The following ZNF462 variants were observed in gnomAD, a reference collection of about 807,000 sequenced individuals.
The protein encoded by ZNF462 is zinc finger PBX1-interacting protein.
A neutral mutation model predicts 201.9 loss-of-function variants in ZNF462; 10 were observed. The ratio of observed to expected loss-of-function variants is 0.05; its 90% CI spans 0.03 to 0.08. The LOEUF (loss-of-function observed/expected upper bound fraction) is 0.08. ZNF462 is among the 10% of genes least tolerant of loss of function. The pLI is 1.00. For synonymous variants in ZNF462, 1,227 were observed against 1,193.3 expected, an observed-to-expected ratio of 1.03 and a Z score of -0.58; for missense variants, 2,523 against 3,168.3, an observed-to-expected ratio of 0.80 and a Z score of 4.89.
At chr9:106,936,979 AC>A (rs1287397957) in intron 6 of ZNF462, among the ~76,000 whole-genome samples, 4 of 152,182 alleles carry the variant, frequency 2.6e-5, no homozygotes, top group Non-Finnish European at 5.9e-5. Context: ...ATACCTTGGA[AC>A]CTTGGCCTCC....
chr9:106,973,721 C>A (rs1028451807), intron 8 of ZNF462, among the ~76,000 whole-genome samples: 1 of 152,136 alleles, frequency 6.6e-6, no homozygotes, highest in Non-Finnish European at 1.5e-5. Context: ...TGTCCTCCCC[C>A]CCTTACCTGT....
At chr9:106,910,141 C>T (rs1428304081) in intron 1 of ZNF462, among the ~76,000 whole-genome samples, 4 of 152,034 alleles carry the variant, frequency 2.6e-5, no homozygotes, top group African/African-American at 7.2e-5. Flanking sequence ...TTTATTACTT[C>T]TGCAATGATA....
At position 106,865,878 on chromosome 9, in the gene ZNF462, T is replaced by C. The variant is rs1289255955; in HGVS notation, c.-31+2523T>C. On this transcript the variant is annotated intron_variant, in intron 1 of 12. Transcript: ENST00000277225. This position sits in a 1 kb window ranked among gnomAD's most constrained non-coding sequence, Gnocchi z 4.1. ...CACATTGATGGGAGCTCTTCACATATTAGTTTTAGAGAATGTACATAATTG... is the reference window on the plus strand; with the variant it reads ...CACATTGATGGGAGCTCTTCACATACTAGTTTTAGAGAATGTACATAATTG... 1.3e-5 allele frequency among the ~76,000 whole-genome samples: 2 copies of C among 152,164 alleles called. No homozygotes were observed. Among genetic ancestry groups the C allele is most frequent in the Admixed American group, 6.5e-5 (1 of 15,282 alleles).
chr9:106,879,458 C>A (rs958467959), intron 1 of ZNF462, among the ~76,000 whole-genome samples: 1 of 151,600 alleles, frequency 6.6e-6, no homozygotes, highest in African/African-American at 2.4e-5. Context: ...CTTTTGGAAC[C>A]TGTCAGCATA....
At position 106,926,902 on chromosome 9, in the gene ZNF462, G is replaced by A. The variant is rs1419478440; in HGVS notation, c.2990G>A (p.Gly997Asp). The A allele has an allele frequency of 6.2e-7, 1 of 1,614,178 alleles. No individual in the cohort carries two copies. Among genetic ancestry groups the A allele is most frequent in the Admixed American group, 1.7e-5 (1 of 60,026 alleles). The change falls in exon 3 of 13, where the codon GGT (glycine) becomes GAT (aspartate). Residue 997 changes from glycine to aspartate, a missense_variant. By Grantham distance (94) the Gly-to-Asp change is moderately conservative. Coordinates refer to ENST00000277225, the MANE Select transcript of ZNF462 (RefSeq NM_021224.6). This position sits in a 1 kb window ranked among gnomAD's most constrained non-coding sequence, Gnocchi z 7.9. ...NMATSTPVAR[G>D]GGLPATFNKN... is the part of the protein sequence containing the mutation. ...GCGACTTCCACACCTGTGGCTCGTGGTGGTGGTTTGCCAGCTACGTTCAAC... is the reference window on the plus strand; with the variant it reads ...GCGACTTCCACACCTGTGGCTCGTGATGGTGGTTTGCCAGCTACGTTCAAC...
chr9:106,928,216 C>T lies in ZNF462; in HGVS notation c.4304C>T (p.Thr1435Ile). Residue 1435 changes from threonine to isoleucine, a missense_variant, in exon 3 of 13, where the codon ACC becomes ATC. By Grantham distance (89) the Thr-to-Ile change is moderately conservative (BLOSUM62 -1). This residue lies in a region of ZNF462 where 165 missense variants were observed against 142.6 expected (regional missense o/e 1.16). Transcript: ENST00000277225. The surrounding 1 kb of genome is among the most constrained non-coding windows in gnomAD (Gnocchi z 9.3). ...GPVNCENSIP[T>I]PFPEQEAECP... ...GTGAATTGTGAAAACAGTATACCCACCCCTTTCCCGGAGCAGGAAGCTGAA... is the reference window on the plus strand; with the variant it reads ...GTGAATTGTGAAAACAGTATACCCATCCCTTTCCCGGAGCAGGAAGCTGAA... The T allele has an allele frequency of 1.9e-6, 3 of 1,614,136 alleles. No individual in the cohort carries two copies. The highest frequency in any genetic ancestry group is 2.5e-6 in the Non-Finnish European group (3 of 1,180,030).
upstream of ZNF462, among the ~76,000 whole-genome samples, chr9:106,862,335 C>T (rs537515822): frequency 1.3e-4 from 20 of 152,214 alleles, no homozygotes; most frequent in South Asian, 3.5e-3. This position sits in a 1 kb window ranked among gnomAD's most constrained non-coding sequence, Gnocchi z 4.2. Flanking sequence ...GGCTCGGGCT[C>T]GGCGCCTCGG....
At position 106,884,189 on chromosome 9, in the gene ZNF462, G is replaced by A. The variant is rs376926052; in HGVS notation, c.-31+20834G>A. On this transcript the variant is annotated intron_variant, in intron 1 of 12. Transcript: ENST00000277225. ...CTACCACAGGAGAGGAATTCATTAG[G>A]TCTAGGGTAGGAGCCTAGAATGTTT... Among the ~76,000 whole-genome samples, 412 of 152,284 alleles carry A rather than the reference G, an allele frequency of 2.7e-3. 1 individual carries two copies. The highest frequency in any genetic ancestry group is 9.5e-3 in the African/African-American group (396 of 41,564).
At chr9:106,989,419 A>C (rs563820409) in intron 10 of ZNF462, among the ~76,000 whole-genome samples, 80 of 152,072 alleles carry the variant, frequency 5.3e-4, no homozygotes, top group Non-Finnish European at 8.5e-4. Flanking sequence ...TCTTTTTGAT[A>C]TGTTGTTGAG....
Position 106,976,546 on chromosome 9 carries a change from C to T in ZNF462, c.6832+2273C>T, listed in dbSNP as rs1827017468. On this transcript the variant is annotated intron_variant, in intron 9 of 12. Coordinates refer to ENST00000277225, the MANE Select transcript of ZNF462 (RefSeq NM_021224.6). The stretch of plus-strand genomic sequence containing the variant: ...AACTGGTAAGCAGTCAATCGCAGTC[C>T]TTTGATCCCATGTCTCATCACATTA... The T allele has an allele frequency of 2.0e-5, 3 of 152,264 alleles. No individual in the cohort carries two copies. The South Asian group carries it at 6.2e-4, about 32-fold the overall frequency. The allele number at this position is 152,264 out of a possible 1,614,324, so 9.4% of individuals were successfully genotyped here.
In ZNF462 at chr9:106,970,064, GA is replaced by G. The variant is rs1223829373; in HGVS notation, c.6428-1939del. The stretch of plus-strand genomic sequence containing the variant: ...GGTAAACAAACCTGCTATTGAATGA[GA>G]AGAATGAAAAGTTGACAATTGCATT... On this transcript the variant is annotated intron_variant, in intron 7 of 12. Transcript: ENST00000277225. This position sits in a 1 kb window ranked among gnomAD's most constrained non-coding sequence, Gnocchi z 4.2. Among the ~76,000 whole-genome samples, 7 of 152,202 alleles carry G rather than the reference GA, an allele frequency of 4.6e-5. No individual in the cohort carries two copies.
intron 1 of ZNF462, among the ~76,000 whole-genome samples, chr9:106,922,003 A>C (rs1391007242): frequency 3.3e-5 from 5 of 152,220 alleles, no homozygotes; most frequent in Admixed American, 2.6e-4. Flanking sequence ...GACTTGCCAG[A>C]AGTTATTTTA....
In ZNF462 at chr9:106,963,548, G is replaced by T. The variant is rs138553698; in HGVS notation, c.6428-8457G>T. Reference sequence around the variant, plus strand: ...AATGCCTTGTGTGCCTGTATAGCACGGCTGTCCACAAATTCAATCTAATGG... The same window carrying T: ...AATGCCTTGTGTGCCTGTATAGCACTGCTGTCCACAAATTCAATCTAATGG... On this transcript the variant is annotated intron_variant, in intron 7 of 12. Transcript: ENST00000277225. This position sits in a 1 kb window ranked among gnomAD's most constrained non-coding sequence, Gnocchi z 4.7. 1.3e-5 allele frequency among the ~76,000 whole-genome samples: 2 copies of T among 152,078 alleles called. No individual in the cohort carries two copies. Among genetic ancestry groups the T allele is most frequent in the African/African-American group, 2.4e-5 (1 of 41,506 alleles).
At chr9:107,007,204 CA>C (rs1200172534) in intron 11 of ZNF462, among the ~76,000 whole-genome samples, 1 of 152,058 alleles carries the variant, frequency 6.6e-6, no homozygotes, top group Non-Finnish European at 1.5e-5. Context: ...ATTATAAAGG[CA>C]AAATACCCTT....
rs1002741628 is a variant in ZNF462 at position 106,930,297 on chromosome 9, C to A, written c.5848-228C>A. On this transcript the variant is annotated intron_variant, in intron 3 of 12. Transcript: ENST00000277225. This position sits in a 1 kb window ranked among gnomAD's most constrained non-coding sequence, Gnocchi z 5.8. The stretch of plus-strand genomic sequence containing the variant: ...TGACGATGAGCTTCTGCACAGAAAT[C>A]TTCTCTACTCACAAGCCGTAATGTA... 1.3e-5 allele frequency among the ~76,000 whole-genome samples: 2 copies of A among 152,174 alleles called. No homozygotes were observed. Among genetic ancestry groups the A allele is most frequent in the African/African-American group, 4.8e-5 (2 of 41,432 alleles).
chr9:106,967,704 G>T lies in ZNF462; in HGVS notation c.6428-4301G>T, dbSNP rs116729936. 1.6e-3 allele frequency among the ~76,000 whole-genome samples: 250 copies of T among 152,244 alleles called. 2 individuals are homozygous for T. The highest frequency in any genetic ancestry group is 5.6e-3 in the African/African-American group (232 of 41,556). On this transcript the variant is annotated intron_variant, in intron 7 of 12. Transcript: ENST00000277225. Reference sequence around the variant, plus strand: ...GAGGAATGTTAGAGTGTTATTATTTGAGGACAATTTATCAAGCATCTAACT... The same window carrying T: ...GAGGAATGTTAGAGTGTTATTATTTTAGGACAATTTATCAAGCATCTAACT...
Position 106,905,156 on chromosome 9 carries a change from G to A in ZNF462, c.-30-18198G>A. The stretch of plus-strand genomic sequence containing the variant: ...ACTCTCCCCCTTTTCCTATGGATGT[G>A]GCTTCCTATGAGCCAAACTTCAGTG... On this transcript the variant is annotated intron_variant, in intron 1 of 12. Transcript: ENST00000277225. The surrounding 1 kb of genome is among the most constrained non-coding windows in gnomAD (Gnocchi z 5.9). Among the ~76,000 whole-genome samples the A allele has an allele frequency of 6.6e-6, 1 of 152,118 alleles. No individual in the cohort carries two copies. Among genetic ancestry groups the A allele is most frequent in the East Asian group, 1.9e-4 (1 of 5,182 alleles).
intron 7 of ZNF462, among the ~76,000 whole-genome samples, chr9:106,941,054 C>T (rs1830847810): frequency 6.6e-6 from 1 of 152,138 alleles, no homozygotes. Context: ...ACATTTTTCT[C>T]AATGTCATAC....
At chr9:106,949,025 A>G (rs542211464) in intron 7 of ZNF462, among the ~76,000 whole-genome samples, 5 of 152,298 alleles carry the variant, frequency 3.3e-5, no homozygotes, top group East Asian at 3.9e-4. Context: ...GACTTAATAC[A>G]TTTACAGTAT....
Sources: gnomAD v4.1 joint callset for allele counts (sites outside exome capture counted in the v4.1 genomes callset) on GRCh38, gnomAD v4.1.1 for gene constraint, gnomAD v4.1.1 regional missense constraint, Gnocchi (gnomAD v3.1) non-coding constraint, MANE v1.5 for transcripts, NCBI Gene and HGNC (gene_info 2026-07-23, HGNC 2026-07-21) for gene names.